PITPNC1: variants seen among roughly 807,000 people sequenced by gnomAD.
PITPNC1 encodes the protein phosphatidylinositol transfer protein cytoplasmic 1.
PITPNC1 carries 18 observed loss-of-function variants against 44.7 expected under a neutral mutation model. The observed-to-expected ratio is 0.40, with a 90% CI of 0.28 to 0.60. PITPNC1 has a LOEUF of 0.60. PITPNC1 is among the 20% of genes least tolerant of loss of function. The pLI, the probability that PITPNC1 is intolerant of heterozygous loss-of-function variation, is 0.39. For missense variants in PITPNC1, 290 were observed against 418.4 expected, an observed-to-expected ratio of 0.69 and a Z score of 2.68; for synonymous variants, 141 against 149.6, an observed-to-expected ratio of 0.94 and a Z score of 0.42.
intron 8 of PITPNC1, among the ~76,000 whole-genome samples, chr17:67,691,417 AT>A (rs2042925266): frequency 1.3e-5 from 2 of 152,192 alleles, no homozygotes; most frequent in Admixed American, 6.5e-5. Flanking sequence ...TCACTGTCTT[AT>A]TTGTTGAATT....
chr17:67,630,792 A>G (rs555582349), intron 5 of PITPNC1, among the ~76,000 whole-genome samples: 1 of 150,996 alleles, frequency 6.6e-6, no homozygotes, highest in Non-Finnish European at 1.5e-5. Context: ...GCTCACTGCA[A>G]CCTCTGCCTC....
At chr17:67,644,988 T>TG (rs1014047998) in intron 6 of PITPNC1, among the ~76,000 whole-genome samples, 53 of 152,260 alleles carry the variant, frequency 3.5e-4, no homozygotes, top group African/African-American at 1.3e-3. Flanking sequence ...GCACCAGGTT[T>TG]GGGAAAATGG....
At chr17:67,557,961 A>G (rs1264815049) in intron 4 of PITPNC1, among the ~76,000 whole-genome samples, 2 of 152,194 alleles carry the variant, frequency 1.3e-5, no homozygotes, top group Admixed American at 6.5e-5. Flanking sequence ...TCCTTTCCTC[A>G]GAGAGGCAGC....
chr17:67,608,451 C>G (rs1236943349), intron 5 of PITPNC1, among the ~76,000 whole-genome samples: 2 of 150,354 alleles, frequency 1.3e-5, no homozygotes, highest in African/African-American at 4.9e-5. Flanking sequence ...TTAATTGTCA[C>G]TTTCTTTAGT....
intron 1 of PITPNC1, among the ~76,000 whole-genome samples, chr17:67,513,544 G>A (rs2040220166): frequency 6.7e-6 from 1 of 149,566 alleles, no homozygotes; most frequent in Non-Finnish European, 1.5e-5. Flanking sequence ...AACAGTCACA[G>A]AAGAATTATC....
chr17:67,568,603 T>C (rs749381087), intron 4 of PITPNC1, among the ~76,000 whole-genome samples: 1 of 152,116 alleles, frequency 6.6e-6, no homozygotes, highest in Non-Finnish European at 1.5e-5. Flanking sequence ...CATAGCTCAC[T>C]GCAGCCTCAA....
At chr17:67,546,434 C>T (rs947213987) in intron 2 of PITPNC1, among the ~76,000 whole-genome samples, 4 of 152,058 alleles carry the variant, frequency 2.6e-5, no homozygotes, top group African/African-American at 9.7e-5. Flanking sequence ...TTGTGAGGGA[C>T]TCTCATGCTA....
intron 1 of PITPNC1, among the ~76,000 whole-genome samples, chr17:67,385,765 A>G (rs1196599778): frequency 6.6e-6 from 1 of 151,688 alleles, no homozygotes; most frequent in African/African-American, 2.4e-5. Flanking sequence ...TTTTGTCATA[A>G]CGGGCACAGG....
intron 1 of PITPNC1, among the ~76,000 whole-genome samples, chr17:67,436,524 G>A (rs2038938672): frequency 6.6e-6 from 1 of 152,064 alleles, no homozygotes; most frequent in African/African-American, 2.4e-5. Flanking sequence ...AGGGGAAGGA[G>A]GGTGATGGAA....
intron 5 of PITPNC1, among the ~76,000 whole-genome samples, chr17:67,593,612 TG>T (rs1226960721): frequency 7.2e-5 from 11 of 152,208 alleles, no homozygotes; most frequent in Admixed American, 7.2e-4. Flanking sequence ...TTGGCCAGGC[TG>T]GTCTCAAACT....
At chr17:67,496,626 A>G (rs991810172) in intron 1 of PITPNC1, among the ~76,000 whole-genome samples, 2 of 152,064 alleles carry the variant, frequency 1.3e-5, no homozygotes, top group Admixed American at 6.5e-5. Flanking sequence ...AGCAGGAGGT[A>G]TGATTAATCC....
chr17:67,594,241 G>T (rs569603047), intron 5 of PITPNC1, among the ~76,000 whole-genome samples: 1 of 152,118 alleles, frequency 6.6e-6, no homozygotes, highest in East Asian at 1.9e-4. Context: ...ACTTCAGAGA[G>T]AATTGAGAGG....
intron 1 of PITPNC1, among the ~76,000 whole-genome samples, chr17:67,428,307 G>C (rs2038801886): frequency 6.6e-6 from 1 of 152,126 alleles, no homozygotes; most frequent in South Asian, 2.1e-4. Context: ...GGGAGGCCGA[G>C]GTGAGAGGAT....
intron 1 of PITPNC1, among the ~76,000 whole-genome samples, chr17:67,492,313 C>T (rs2039876023): frequency 6.6e-6 from 1 of 152,100 alleles, no homozygotes; most frequent in African/African-American, 2.4e-5. Flanking sequence ...GACCCTAAAT[C>T]CAATGACAAG....
chr17:67,657,482 G>A (rs1015876190), intron 6 of PITPNC1, among the ~76,000 whole-genome samples: 1 of 150,728 alleles, frequency 6.6e-6, no homozygotes, highest in South Asian at 2.1e-4. Flanking sequence ...AAATGTAGTG[G>A]AAAGAACATC....
At chr17:67,559,755 C>T (rs1340592960) in intron 4 of PITPNC1, among the ~76,000 whole-genome samples, 2 of 152,100 alleles carry the variant, frequency 1.3e-5, no homozygotes, top group Non-Finnish European at 2.9e-5. Flanking sequence ...TGCATGGTGA[C>T]GCATGCCTGT....
intron 5 of PITPNC1, among the ~76,000 whole-genome samples, chr17:67,628,664 A>G (rs1276686304): frequency 2.6e-5 from 4 of 152,144 alleles, no homozygotes; most frequent in Non-Finnish European, 5.9e-5. Context: ...TGCAGGCCAG[A>G]GGAGGTTGGT....
chr17:67,530,877 A>G (rs1018923678), intron 1 of PITPNC1, among the ~76,000 whole-genome samples: 4 of 152,026 alleles, frequency 2.6e-5, no homozygotes, highest in Non-Finnish European at 4.4e-5. Flanking sequence ...GTTAGCCTTT[A>G]CGAGCAAAAG....
chr17:67,567,108 T>A (rs2144204512), intron 4 of PITPNC1, among the ~76,000 whole-genome samples: 1 of 152,342 alleles, frequency 6.6e-6, no homozygotes, highest in Admixed American at 6.5e-5. Flanking sequence ...TATTGGGTTG[T>A]GTCTGTCCCT....
Sources: gnomAD v4.1 joint callset for allele counts (sites outside exome capture counted in the v4.1 genomes callset) on GRCh38, gnomAD v4.1.1 for gene constraint, MANE v1.5 for transcripts, NCBI Gene and HGNC (gene_info 2026-07-23, HGNC 2026-07-21) for gene names.